TFEC: variants seen among roughly 807,000 people sequenced by gnomAD.
The protein encoded by TFEC is transcription factor EC, also known as class E basic helix-loop-helix protein 34.
In TFEC, 31 loss-of-function variants were observed where a neutral mutation model predicts 41.6. The observed-to-expected ratio is 0.74, with a 90% confidence interval of 0.56 to 1.01. TFEC has a LOEUF of 1.01. TFEC is among the 50% of genes least tolerant of loss of function. The pLI is 0.00. For missense variants in TFEC, 402 were observed against 404.1 expected (o/e 0.99, Z 0.04); for synonymous variants, 143 against 140.6 (o/e 1.02, Z -0.12).
intron 1 of TFEC, among the ~76,000 whole-genome samples, chr7:116,015,024 A>G (rs1380286920): frequency 6.6e-6 from 1 of 151,858 alleles, no homozygotes; most frequent in Non-Finnish European, 1.5e-5. Flanking sequence ...TGTTGTTTTA[A>G]CCACTGAGTT....
chr7:115,988,272 A>G (rs112588148), intron 1 of TFEC, among the ~76,000 whole-genome samples: 146 of 152,222 alleles, frequency 9.6e-4, no homozygotes, highest in African/African-American at 3.1e-3. Context: ...AAATTATCAG[A>G]CCAGGATGAA....
chr7:115,953,727 G>C (rs115981737), intron 5 of TFEC, among the ~76,000 whole-genome samples: 13 of 152,136 alleles, frequency 8.5e-5, no homozygotes, highest in African/African-American at 3.1e-4. Flanking sequence ...TTATGACCAT[G>C]TGCCAGCTCT....
At chr7:116,022,475 G>A (rs370077000) in intron 1 of TFEC, among the ~76,000 whole-genome samples, 25 of 152,222 alleles carry the variant, frequency 1.6e-4, no homozygotes, top group East Asian at 7.7e-4. Flanking sequence ...ATGCCTTGGA[G>A]CCACATATTT....
intron 2 of TFEC, among the ~76,000 whole-genome samples, chr7:115,982,911 T>C (rs1272017556): frequency 6.6e-6 from 1 of 152,074 alleles, no homozygotes; most frequent in Admixed American, 6.6e-5. Flanking sequence ...TTTTTTAGAG[T>C]ACATATTTTA....
intron 3 of TFEC, among the ~76,000 whole-genome samples, chr7:116,106,151 A>C (rs978751642): frequency 6.6e-6 from 1 of 152,168 alleles, no homozygotes; most frequent in Non-Finnish European, 1.5e-5. Context: ...CCTATTGATT[A>C]AAGAATATCT....
At chr7:116,041,655 G>C (rs1379000975) in intron 3 of TFEC, among the ~76,000 whole-genome samples, 1 of 152,160 alleles carries the variant, frequency 6.6e-6, no homozygotes, top group Non-Finnish European at 1.5e-5. Context: ...CCTGTGTATA[G>C]ATCTTGCTAA....
intron 3 of TFEC, among the ~76,000 whole-genome samples, chr7:116,100,437 A>G (rs1013408486): frequency 2.0e-5 from 3 of 152,202 alleles, no homozygotes; most frequent in Non-Finnish European, 2.9e-5. Context: ...CCCATTTTTC[A>G]GCATCTTAAC....
Position 115,940,555 on chromosome 7 carries a change from A to G in TFEC, c.1040T>C (p.Leu347Ser). The G allele has an allele frequency of 6.2e-7, 1 of 1,606,980 alleles. No individual in the cohort carries two copies. Among genetic ancestry groups the G allele is most frequent in the Non-Finnish European group, 8.5e-7 (1 of 1,176,002 alleles). ...SSFSSDDGDE[L>S] Reference sequence around the variant, plus strand: ...TGAATTGGGTCTGTTTATTTCTTATAATTCATCACCATCATCTGAGCTAAA... The same window carrying G: ...TGAATTGGGTCTGTTTATTTCTTATGATTCATCACCATCATCTGAGCTAAA... The change falls in exon 8 of 8, where the codon TTA (leucine) becomes TCA (serine). Residue 347 changes from leucine to serine, a missense_variant. Physicochemically the swap from Leu to Ser is moderately radical, Grantham distance 145 (BLOSUM62 -2). Coordinates refer to ENST00000265440, the MANE Select transcript of TFEC (RefSeq NM_012252.4).
intron 1 of TFEC, among the ~76,000 whole-genome samples, chr7:116,126,764 GGAA>G (rs1375011455): frequency 6.6e-6 from 1 of 151,734 alleles, no homozygotes; most frequent in East Asian, 1.9e-4. Flanking sequence ...AATTGAGGGA[GGAA>G]ACAAAAAAGG....
chr7:116,128,205 T>C (rs1006178306), intron 1 of TFEC, among the ~76,000 whole-genome samples: 1 of 151,894 alleles, frequency 6.6e-6, no homozygotes, highest in Non-Finnish European at 1.5e-5. Context: ...ACATAATATA[T>C]GAAACAAAAA....
intron 3 of TFEC, among the ~76,000 whole-genome samples, chr7:115,962,763 C>A (rs34835842): frequency 0.14 from 20,805 of 151,642 alleles, 1,926 homozygotes; most frequent in Non-Finnish European, 0.21. Flanking sequence ...AGCTACTGGC[C>A]GATCATGTAT....
At chr7:116,138,585 A>C (rs548101312) in intron 1 of TFEC, among the ~76,000 whole-genome samples, 5 of 152,248 alleles carry the variant, frequency 3.3e-5, no homozygotes, top group African/African-American at 1.2e-4. Flanking sequence ...AAGAGACAGA[A>C]TATAACTTTG....
At chr7:115,976,764 A>C (rs931587243) in intron 2 of TFEC, among the ~76,000 whole-genome samples, 1 of 152,370 alleles carries the variant, frequency 6.6e-6, no homozygotes, top group South Asian at 2.1e-4. Context: ...ATTGCTAAAC[A>C]TAATTTATGA....
At chr7:115,998,822 G>A (rs537070050) in intron 1 of TFEC, among the ~76,000 whole-genome samples, 1 of 150,296 alleles carries the variant, frequency 6.7e-6, no homozygotes, top group South Asian at 2.1e-4. Flanking sequence ...GGAGCATCCA[G>A]ATATATAAAA....
chr7:115,983,196 T>G (rs1486597222), intron 2 of TFEC, among the ~76,000 whole-genome samples: 2 of 152,286 alleles, frequency 1.3e-5, no homozygotes, highest in Admixed American at 6.5e-5. Flanking sequence ...TATCCACTAC[T>G]GTAAAGTTTG....
intron 3 of TFEC, among the ~76,000 whole-genome samples, chr7:116,087,165 C>T (rs998664715): frequency 6.6e-6 from 1 of 151,998 alleles, no homozygotes; most frequent in South Asian, 2.1e-4. Context: ...AGCCTAAATG[C>T]CACACCCTGG....
At chr7:116,100,168 T>C (rs1797571494) in intron 3 of TFEC, among the ~76,000 whole-genome samples, 1 of 152,238 alleles carries the variant, frequency 6.6e-6, no homozygotes, top group African/African-American at 2.4e-5. Flanking sequence ...TATATTTTAC[T>C]AAATATACCT....
At chr7:116,074,046 C>A (rs767261988) in intron 3 of TFEC, among the ~76,000 whole-genome samples, 38 of 151,830 alleles carry the variant, frequency 2.5e-4, no homozygotes, top group Non-Finnish European at 4.6e-4. Context: ...CCCTTCTTCA[C>A]AACAAACACA....
intron 6 of TFEC, among the ~76,000 whole-genome samples, chr7:115,946,419 G>GGT (rs1791558322): frequency 7.1e-6 from 1 of 141,382 alleles, no homozygotes; most frequent in Non-Finnish European, 1.6e-5. Context: ...GTGTGTGTGT[G>GGT]TGTGTGTGTG....
Sources: gnomAD v4.1 joint callset for allele counts (sites outside exome capture counted in the v4.1 genomes callset) on GRCh38, gnomAD v4.1.1 for gene constraint, MANE v1.5 for transcripts, NCBI Gene and HGNC (gene_info 2026-07-23, HGNC 2026-07-21) for gene names.